ADGRL3: variants seen among roughly 807,000 people sequenced by gnomAD.
ADGRL3 encodes the protein calcium-independent alpha-latrotoxin receptor 3.
ADGRL3 carries 62 observed loss-of-function variants against 153.5 expected under a neutral mutation model. That is an observed-to-expected ratio of 0.40 (90% CI 0.33 to 0.50). The LOEUF (loss-of-function observed/expected upper bound fraction) is 0.50. ADGRL3 is among the 20% of genes least tolerant of loss of function. The pLI is 0.47. For missense variants in ADGRL3, 1,641 were observed against 1,859.4 expected, an observed-to-expected ratio of 0.88 and a Z score of 2.16; for synonymous variants, 710 against 672.5, an observed-to-expected ratio of 1.06 and a Z score of -0.86.
chr4:62,006,611 A>G (rs1042536535), intron 21 of ADGRL3, among the ~76,000 whole-genome samples: 21 of 139,200 alleles, frequency 1.5e-4, no homozygotes, highest in African/African-American at 5.6e-4. Context: ...AGTGTTACTT[A>G]TGTTTTATTT....
rs968426747 is a variant in ADGRL3, at chr4:61,366,380, G to A, written c.-239-16744G>A. On this transcript the variant is annotated intron_variant, in intron 1 of 26. Coordinates refer to ENST00000683033, the MANE Select transcript of ADGRL3 (RefSeq NM_001387552.1). The stretch of plus-strand genomic sequence containing the variant: ...AGCCTGACATCCTGATGCCTGTGCT[G>A]AGGTTTAATAGTGCATCTGTATCAC... 4.6e-5 allele frequency among the ~76,000 whole-genome samples: 7 copies of A among 152,192 alleles called. No homozygotes were observed. The East Asian group carries it at 1.3e-3, about 29-fold the overall frequency.
At chr4:62,009,028 T>A (rs191250155) in intron 21 of ADGRL3, among the ~76,000 whole-genome samples, 1 of 152,306 alleles carries the variant, frequency 6.6e-6, no homozygotes, top group East Asian at 1.9e-4. Flanking sequence ...ATAGCCTAGA[T>A]GTGTAGTAGG....
chr4:61,248,285 A>G (rs899456358), intron 1 of ADGRL3, among the ~76,000 whole-genome samples: 33 of 152,112 alleles, frequency 2.2e-4, no homozygotes, highest in Non-Finnish European at 4.4e-4. Context: ...AGAAAGTTAC[A>G]TATGACTAAG....
chr4:61,608,767 C>T (rs2099042588), intron 5 of ADGRL3, among the ~76,000 whole-genome samples: 1 of 152,028 alleles, frequency 6.6e-6, no homozygotes, highest in African/African-American at 2.4e-5. Flanking sequence ...TATTAATTGA[C>T]AATAGTCTAA....
chr4:61,745,136 G>A (rs1051348929), intron 8 of ADGRL3, among the ~76,000 whole-genome samples: 2 of 152,144 alleles, frequency 1.3e-5, no homozygotes, highest in African/African-American at 4.8e-5. Flanking sequence ...TGAAATGAAT[G>A]AACTGAAGCG....
chr4:62,037,786 C>T lies in ADGRL3; in HGVS notation c.3647C>T (p.Thr1216Ile). The T allele has an allele frequency of 6.2e-7, 1 of 1,613,716 alleles. No individual in the cohort carries two copies. Among genetic ancestry groups the T allele is most frequent in the Non-Finnish European group, 8.5e-7 (1 of 1,179,746 alleles). Reference protein sequence around the residue: ...LRTHCCSGKSTESSIGSGKTS... With the variant: ...LRTHCCSGKSIESSIGSGKTS... ...ACACATTGCTGTAGTGGCAAAAGTA[C>T]AGAGAGTTCCATTGGTTCAGGGAAA... Residue 1216 changes from threonine (T) to isoleucine (I), a missense_variant, in exon 24 of 27, where the codon ACA becomes ATA. Around this residue, in one of 5 missense-constraint regions of ADGRL3, gnomAD observed 517 missense variants for 555.0 expected, o/e 0.93. Transcript: ENST00000683033.
intron 21 of ADGRL3, among the ~76,000 whole-genome samples, chr4:62,015,275 A>G (rs1158212893): frequency 6.6e-6 from 1 of 152,198 alleles, no homozygotes; most frequent in Non-Finnish European, 1.5e-5. Flanking sequence ...CTACTTTAGC[A>G]TGCATTCTGC....
At chr4:61,645,933 T>C (rs1355091923) in intron 5 of ADGRL3, among the ~76,000 whole-genome samples, 2 of 152,192 alleles carry the variant, frequency 1.3e-5, no homozygotes, top group Non-Finnish European at 2.9e-5. Flanking sequence ...CAATCAGACA[T>C]GGATTTGGTT....
intron 19 of ADGRL3, among the ~76,000 whole-genome samples, chr4:61,986,644 A>G (rs1420016237): frequency 6.6e-6 from 1 of 152,210 alleles, no homozygotes. Flanking sequence ...TTTCCAACAC[A>G]AAGAGAAGCA....
chr4:61,491,465 GT>G (rs146007066), intron 2 of ADGRL3, among the ~76,000 whole-genome samples: 1,596 of 152,256 alleles, frequency 0.01, 30 homozygotes, highest in African/African-American at 0.035. Context: ...AGAGAGCTAT[GT>G]GCACACAAAT....
intron 11 of ADGRL3, among the ~76,000 whole-genome samples, chr4:61,898,333 C>A (rs182430751): frequency 6.6e-6 from 1 of 152,114 alleles, no homozygotes; most frequent in Non-Finnish European, 1.5e-5. Context: ...ATACCCATGG[C>A]TCATCATCTA....
intron 5 of ADGRL3, among the ~76,000 whole-genome samples, chr4:61,617,705 C>T (rs1424995842): frequency 6.6e-6 from 1 of 152,216 alleles, no homozygotes; most frequent in Non-Finnish European, 1.5e-5. Flanking sequence ...GTTTCTTGCA[C>T]AGTAGCTCTA....
chr4:61,810,420 C>T (rs1166406671), intron 8 of ADGRL3, among the ~76,000 whole-genome samples: 1 of 152,144 alleles, frequency 6.6e-6, no homozygotes, highest in Non-Finnish European at 1.5e-5. Flanking sequence ...TATAAGCTAT[C>T]AAATGTCTTT....
At chr4:61,775,161 C>T (rs73823232) in intron 8 of ADGRL3, among the ~76,000 whole-genome samples, 7,671 of 151,810 alleles carry the variant, frequency 0.051, 527 homozygotes, top group African/African-American at 0.15. Flanking sequence ...ATAACCTTCA[C>T]TGAATTATCC....
chr4:61,419,796 A>ATT (rs200189725), intron 2 of ADGRL3, among the ~76,000 whole-genome samples: 3 of 143,810 alleles, frequency 2.1e-5, no homozygotes, highest in African/African-American at 5.1e-5. Flanking sequence ...ACATATTTAG[A>ATT]TTTTTTTTTT....
chr4:61,236,207 A>G (rs1196898006), intron 1 of ADGRL3, among the ~76,000 whole-genome samples: 1 of 151,430 alleles, frequency 6.6e-6, no homozygotes, highest in Admixed American at 6.6e-5. Flanking sequence ...ACGGGGTTTC[A>G]CCCTGTTGGC....
chr4:61,753,221 T>C (rs1223155079), intron 8 of ADGRL3, among the ~76,000 whole-genome samples: 2 of 145,572 alleles, frequency 1.4e-5, no homozygotes, highest in African/African-American at 2.7e-5. Flanking sequence ...GTAAGGCACA[T>C]TTCTGTGAAA....
intron 1 of ADGRL3, among the ~76,000 whole-genome samples, chr4:61,218,056 T>C (rs964237359): frequency 2.6e-5 from 4 of 152,222 alleles, no homozygotes; most frequent in Admixed American, 6.5e-5. Context: ...GGGGGGACTT[T>C]CTACAGTATG....
chr4:61,228,752 G>A (rs1427453124), intron 1 of ADGRL3, among the ~76,000 whole-genome samples: 1 of 152,114 alleles, frequency 6.6e-6, no homozygotes, highest in Non-Finnish European at 1.5e-5. Flanking sequence ...AAGTGCAATG[G>A]CACCGTCTGG....
Sources: allele counts gnomAD v4.1 joint callset (sites outside exome capture counted in the v4.1 genomes callset), GRCh38; gene constraint gnomAD v4.1.1; regional missense constraint gnomAD v4.1.1; transcripts MANE v1.5; gene names NCBI Gene and HGNC (gene_info 2026-07-23, HGNC 2026-07-21).